UNC5C: variants seen among roughly 807,000 people sequenced by gnomAD.
The protein encoded by UNC5C is unc-5 netrin receptor C, also known as netrin receptor UNC5C.
A neutral mutation model predicts 99.8 loss-of-function variants in UNC5C; 47 were observed. The ratio of observed to expected loss-of-function variants is 0.47; its 90% CI spans 0.37 to 0.60. UNC5C has a LOEUF of 0.60. UNC5C is among the 20% of genes least tolerant of loss of function. The pLI is 0.00. For missense variants in UNC5C, 1,062 were observed against 1,165.9 expected (o/e 0.91, Z 1.30); for synonymous variants, 487 against 452.2 (o/e 1.08, Z -0.98).
At chr4:95,331,002 A>G (rs1461587138) in intron 2 of UNC5C, among the ~76,000 whole-genome samples, 2 of 151,970 alleles carry the variant, frequency 1.3e-5, no homozygotes, top group Admixed American at 1.3e-4. Context: ...GTTGTCTATC[A>G]TTTCACACTC....
intron 12 of UNC5C, among the ~76,000 whole-genome samples, chr4:95,201,148 T>C (rs1288540015): frequency 6.6e-6 from 1 of 152,160 alleles, no homozygotes; most frequent in East Asian, 1.9e-4. Context: ...ATAAGTTTGT[T>C]GTTTATGCCA....
At position 95,548,828 on chromosome 4, in the gene UNC5C, G is replaced by C; in HGVS notation, c.30C>G (p.Ala10=). 1 of 1,613,398 alleles carries C rather than the reference G, an allele frequency of 6.2e-7. No homozygotes were observed. MRKGLRATA[A]RCGLGLGYLL... ...AGTATCCCAGTCCCAGTCCGCAGCG[G>C]GCCGCTGTCGCCCGCAGACCTTTCC... Residue 10 remains alanine (A), a synonymous_variant, in exon 1 of 16, where the codon GCC becomes GCG. Coordinates refer to ENST00000453304, the MANE Select transcript of UNC5C (RefSeq NM_003728.4).
chr4:95,189,286 T>C (rs922777612), intron 12 of UNC5C, among the ~76,000 whole-genome samples: 1 of 152,210 alleles, frequency 6.6e-6, no homozygotes, highest in Admixed American at 6.5e-5. Context: ...ACAGTTCTTT[T>C]ATTCAAAATA....
At chr4:95,464,558 G>C (rs923851327) in intron 1 of UNC5C, among the ~76,000 whole-genome samples, 8 of 152,024 alleles carry the variant, frequency 5.3e-5, no homozygotes, top group Non-Finnish European at 1.2e-4. Flanking sequence ...TAATCACAGG[G>C]ATTTATGCAT....
At chr4:95,407,560 G>GT (rs1387300301) in intron 1 of UNC5C, among the ~76,000 whole-genome samples, 1 of 152,110 alleles carries the variant, frequency 6.6e-6, no homozygotes, top group Non-Finnish European at 1.5e-5. Context: ...GATGTGTGTA[G>GT]TTTTTCTGGA....
At chr4:95,177,017 T>C (rs1046410360) in intron 14 of UNC5C, among the ~76,000 whole-genome samples, 5 of 152,194 alleles carry the variant, frequency 3.3e-5, no homozygotes, top group African/African-American at 9.6e-5. Context: ...AGGTGCCGTC[T>C]GTCACCCCTT....
At chr4:95,500,658 A>G (rs1299743526) in intron 1 of UNC5C, among the ~76,000 whole-genome samples, 2 of 152,178 alleles carry the variant, frequency 1.3e-5, no homozygotes, top group African/African-American at 4.8e-5. Flanking sequence ...TCAAGCTATT[A>G]GTCTACTAGG....
At chr4:95,395,145 A>T (rs1745475395) in intron 1 of UNC5C, among the ~76,000 whole-genome samples, 1 of 152,176 alleles carries the variant, frequency 6.6e-6, no homozygotes, top group South Asian at 2.1e-4. Context: ...CAGTGTATAA[A>T]GGTGGGCCCA....
At chr4:95,293,250 G>A (rs1741546947) in intron 3 of UNC5C, among the ~76,000 whole-genome samples, 1 of 148,654 alleles carries the variant, frequency 6.7e-6, no homozygotes, top group Non-Finnish European at 1.5e-5. Context: ...AGAGAGGCAG[G>A]AAGCCAAGGT....
chr4:95,519,536 T>TAA (rs35238314), intron 1 of UNC5C, among the ~76,000 whole-genome samples: 2 of 144,590 alleles, frequency 1.4e-5, no homozygotes, highest in Non-Finnish European at 3.1e-5. Context: ...TTAGCACATT[T>TAA]AAAAAAAAAA....
chr4:95,500,047 G>C (rs1578197163), intron 1 of UNC5C, among the ~76,000 whole-genome samples: 1 of 152,204 alleles, frequency 6.6e-6, no homozygotes, highest in South Asian at 2.1e-4. Context: ...ACTAAAGGTA[G>C]TTTGACCAGT....
chr4:95,537,750 T>C (rs537009390), intron 1 of UNC5C, among the ~76,000 whole-genome samples: 24 of 152,322 alleles, frequency 1.6e-4, no homozygotes, highest in African/African-American at 5.8e-4. Flanking sequence ...ATTATTATAG[T>C]GATCACCTTA....
intron 1 of UNC5C, among the ~76,000 whole-genome samples, chr4:95,407,851 G>A (rs1444182936): frequency 6.6e-6 from 1 of 152,112 alleles, no homozygotes; most frequent in African/African-American, 2.4e-5. Context: ...TCATAACAGG[G>A]TGAAATTGCA....
chr4:95,238,253 C>A (rs1739199127), intron 7 of UNC5C, among the ~76,000 whole-genome samples: 1 of 151,992 alleles, frequency 6.6e-6, no homozygotes, highest in Non-Finnish European at 1.5e-5. Flanking sequence ...TTTATTTCCA[C>A]CATCTCATTT....
chr4:95,257,534 G>T (rs1410818072), intron 4 of UNC5C, among the ~76,000 whole-genome samples: 1 of 152,204 alleles, frequency 6.6e-6, no homozygotes, highest in Non-Finnish European at 1.5e-5. Context: ...GGAAAGGGGG[G>T]TGCAAGGGGC....
rs866146670 is a variant in UNC5C at position 95,298,657 on chromosome 4, G to A, written c.490+2949C>T. Among the ~76,000 whole-genome samples the A allele has an allele frequency of 2.6e-5, 4 of 151,752 alleles. No individual in the cohort carries two copies. The South Asian group carries it at 6.2e-4, about 24-fold the overall frequency. Reference sequence around the variant, plus strand: ...CCTTTTCCTGCTGTATTTTTTCTTCGTGGCACTTACCATCTGCTCTAGACC... The same window carrying A: ...CCTTTTCCTGCTGTATTTTTTCTTCATGGCACTTACCATCTGCTCTAGACC... On this transcript the variant is annotated intron_variant, in intron 3 of 15. Transcript: ENST00000453304.
intron 4 of UNC5C, among the ~76,000 whole-genome samples, chr4:95,256,699 A>AAT (rs377553615): frequency 0.064 from 5,823 of 90,662 alleles, 479 homozygotes; most frequent in Non-Finnish European, 0.077. Flanking sequence ...GAACTAAATA[A>AAT]ATATATATAT....
At chr4:95,256,466 G>A (rs1020111569) in intron 4 of UNC5C, among the ~76,000 whole-genome samples, 7 of 151,890 alleles carry the variant, frequency 4.6e-5, no homozygotes, top group African/African-American at 1.7e-4. Flanking sequence ...TGTTAGAGCA[G>A]CACACATTAG....
intron 10 of UNC5C, among the ~76,000 whole-genome samples, chr4:95,207,578 A>C (rs1486606277): frequency 3.9e-5 from 6 of 152,208 alleles, no homozygotes; most frequent in Admixed American, 1.3e-4. Context: ...GGATTGCCCC[A>C]AGTCTCACAA....
Sources: gnomAD v4.1 joint callset for allele counts (sites outside exome capture counted in the v4.1 genomes callset) on GRCh38, gnomAD v4.1.1 for gene constraint, MANE v1.5 for transcripts, NCBI Gene and HGNC (gene_info 2026-07-23, HGNC 2026-07-21) for gene names.